The following TEAD1 variants were observed in gnomAD, a reference collection of about 807,000 sequenced individuals.
TEAD1 encodes the protein TEA domain transcription factor 1, also known as transcriptional enhancer factor TEF-1.
Under a neutral mutation model 54.9 loss-of-function variants are expected in TEAD1, and 9 were observed. The observed-to-expected ratio is 0.16, with a 90% CI of 0.10 to 0.29. The LOEUF (loss-of-function observed/expected upper bound fraction) is 0.29, where lower values mean the gene tolerates loss of function less well. Ranked by LOEUF, TEAD1 falls within the 10% of genes least tolerant of loss-of-function variation. The probability of loss-of-function intolerance (pLI) is 1.00; values close to 1 mark genes in which losing one functional copy is unlikely to be tolerated. For missense variants in TEAD1, 387 were observed against 535.9 expected, an observed-to-expected ratio of 0.72 and a Z score of 2.74; for synonymous variants, 200 against 187.8, an observed-to-expected ratio of 1.07 and a Z score of -0.53.
At chr11:12,732,859 C>T (rs773017389) in intron 2 of TEAD1, among the ~76,000 whole-genome samples, 25 of 152,102 alleles carry the variant, frequency 1.6e-4, no homozygotes, top group African/African-American at 4.6e-4. Flanking sequence ...TTCTTTTCTG[C>T]GAGATATAGA....
chr11:12,926,017 G>A (rs1948898202), intron 11 of TEAD1, among the ~76,000 whole-genome samples: 1 of 152,124 alleles, frequency 6.6e-6, no homozygotes, highest in South Asian at 2.1e-4. Flanking sequence ...AGGGTGAGTT[G>A]CTTTGTTGAA....
intron 2 of TEAD1, among the ~76,000 whole-genome samples, chr11:12,709,524 A>C (rs1042372182): frequency 7.3e-5 from 11 of 151,286 alleles, no homozygotes; most frequent in Non-Finnish European, 1.6e-4. Context: ...TTCTTTTTCT[A>C]CTTATTTATT....
intron 10 of TEAD1, among the ~76,000 whole-genome samples, chr11:12,915,262 G>A (rs775150781): frequency 1.3e-4 from 20 of 152,174 alleles, no homozygotes; most frequent in Non-Finnish European, 2.6e-4. Flanking sequence ...GTTGTCATCC[G>A]CCAAATGCTG....
intron 3 of TEAD1, among the ~76,000 whole-genome samples, chr11:12,815,285 C>G (rs184075973): frequency 5.0e-4 from 76 of 151,822 alleles, no homozygotes; most frequent in Non-Finnish European, 9.1e-4. Flanking sequence ...CTTTCTTCTT[C>G]CCTCCCTCCC....
intron 3 of TEAD1, among the ~76,000 whole-genome samples, chr11:12,772,129 A>T (rs1320960654): frequency 6.6e-6 from 1 of 152,170 alleles, no homozygotes; most frequent in Non-Finnish European, 1.5e-5. Flanking sequence ...AGCAGTCTTT[A>T]TGAGGTTTTG....
intron 9 of TEAD1, among the ~76,000 whole-genome samples, chr11:12,883,810 A>C (rs1266536705): frequency 6.6e-6 from 1 of 152,014 alleles, no homozygotes. Context: ...TCAGGAGATC[A>C]AGACCATCTT....
intron 9 of TEAD1, among the ~76,000 whole-genome samples, chr11:12,888,670 A>C (rs1230178143): frequency 6.6e-6 from 1 of 152,196 alleles, no homozygotes; most frequent in Non-Finnish European, 1.5e-5. Flanking sequence ...AGACTTCCTC[A>C]CAACCCCACC....
chr11:12,744,983 A>G (rs186498014), intron 2 of TEAD1, among the ~76,000 whole-genome samples: 3 of 152,288 alleles, frequency 2.0e-5, no homozygotes, highest in Non-Finnish European at 4.4e-5. Flanking sequence ...TCTGCTGGCT[A>G]ACCTTGTCGG....
intron 2 of TEAD1, among the ~76,000 whole-genome samples, chr11:12,694,954 T>C (rs982864015): frequency 6.6e-6 from 1 of 152,240 alleles, no homozygotes; most frequent in Non-Finnish European, 1.5e-5. Flanking sequence ...ATGCTACCTT[T>C]TAAATTGAGC....
chr11:12,874,459 AAGG>A (rs1947815498), intron 5 of TEAD1, among the ~76,000 whole-genome samples: 1 of 152,202 alleles, frequency 6.6e-6, no homozygotes, highest in African/African-American at 2.4e-5. Context: ...CAACCATAAA[AAGG>A]AGGCAATCAG....
chr11:12,905,151 T>C (rs1331461203), intron 10 of TEAD1, among the ~76,000 whole-genome samples: 1 of 152,240 alleles, frequency 6.6e-6, no homozygotes, highest in East Asian at 1.9e-4. Flanking sequence ...AATTAGCATA[T>C]TGTTTGAATA....
At chr11:12,897,707 A>G (rs1466952773) in intron 9 of TEAD1, among the ~76,000 whole-genome samples, 1 of 152,244 alleles carries the variant, frequency 6.6e-6, no homozygotes, top group Non-Finnish European at 1.5e-5. Flanking sequence ...TCCTCAAAAT[A>G]GAAACCTTTG....
intron 3 of TEAD1, among the ~76,000 whole-genome samples, chr11:12,791,547 G>A (rs1945802405): frequency 6.6e-6 from 1 of 152,162 alleles, no homozygotes; most frequent in Non-Finnish European, 1.5e-5. Context: ...TACCTGATCA[G>A]TAGGCTTTTT....
intron 2 of TEAD1, among the ~76,000 whole-genome samples, chr11:12,763,144 G>C (rs138326996): frequency 6.6e-6 from 1 of 152,146 alleles, no homozygotes; most frequent in Admixed American, 6.5e-5. Flanking sequence ...TCACATTGAC[G>C]TTATGCCAGT....
intron 3 of TEAD1, among the ~76,000 whole-genome samples, chr11:12,811,048 G>A (rs1224306153): frequency 1.3e-5 from 2 of 152,178 alleles, no homozygotes; most frequent in African/African-American, 4.8e-5. Flanking sequence ...GATTCAGGTG[G>A]GATGACGTCC....
intron 10 of TEAD1, among the ~76,000 whole-genome samples, chr11:12,919,380 A>G (rs933902851): frequency 6.6e-6 from 1 of 152,230 alleles, no homozygotes; most frequent in African/African-American, 2.4e-5. Flanking sequence ...TTTACAAACA[A>G]TGGCAAAACC....
intron 3 of TEAD1, among the ~76,000 whole-genome samples, chr11:12,816,739 C>A (rs2033908): frequency 0.43 from 64,800 of 151,996 alleles, 14,383 homozygotes; most frequent in South Asian, 0.61. Context: ...TTTTGTGTGA[C>A]TCTCCAGTGC....
At chr11:12,678,521 C>A (rs1182826702) in intron 2 of TEAD1, among the ~76,000 whole-genome samples, 1 of 152,164 alleles carries the variant, frequency 6.6e-6, no homozygotes, top group African/African-American at 2.4e-5. Context: ...TTTATTCTTT[C>A]ATATTCATAA....
chr11:12,748,795 G>A (rs1944805321), intron 2 of TEAD1, among the ~76,000 whole-genome samples: 1 of 151,750 alleles, frequency 6.6e-6, no homozygotes, highest in Admixed American at 6.6e-5. Flanking sequence ...AGGCAGAAAT[G>A]GTGCGGTCCT....
Sources: allele counts gnomAD v4.1 joint callset (sites outside exome capture counted in the v4.1 genomes callset), GRCh38; gene constraint gnomAD v4.1.1; transcripts MANE v1.5; gene names NCBI Gene and HGNC (gene_info 2026-07-23, HGNC 2026-07-21).